The following LRRC9 variants were observed in gnomAD, a reference collection of about 807,000 sequenced individuals.
LRRC9 encodes leucine rich repeat containing 9, also known as leucine-rich repeat-containing protein 9.
LRRC9 carries 122 observed loss-of-function variants against 63.2 expected under a neutral mutation model. That is an observed-to-expected ratio of 1.93 (90% confidence interval 1.67 to 2.24). The LOEUF (loss-of-function observed/expected upper bound fraction) is 2.24, where lower values mean the gene tolerates loss of function less well. LRRC9 is among the 30% of genes most tolerant of loss of function. The pLI, the probability that LRRC9 is intolerant of heterozygous loss-of-function variation, is 0.00. For synonymous variants in LRRC9, 366 were observed against 213.1 expected, an observed-to-expected ratio of 1.72 and a Z score of -6.25; for missense variants, 1,071 against 627.7, an observed-to-expected ratio of 1.71 and a Z score of -7.55.
intron 8 of LRRC9, among the ~76,000 whole-genome samples, chr14:59,953,097 T>G (rs903074340): frequency 3.4e-4 from 52 of 152,270 alleles, no homozygotes; most frequent in African/African-American, 1.2e-3. Flanking sequence ...TTTGCTATTG[T>G]AAATAGTGCT....
Position 60,031,385 on chromosome 14 carries a change from TAA to T in LRRC9, c.3922-608_3922-607del, listed in dbSNP as rs1891978061. ...ACAACCTTAGGCTGAGCTTGTTGGC[TAA>T]AGTTTGTCAGAAATAGCATTTTAGA... On this transcript the variant is annotated intron_variant, in intron 28 of 31. Coordinates refer to ENST00000445360, the Ensembl canonical transcript of LRRC9. The surrounding 1 kb of genome is among the most constrained non-coding windows in gnomAD (Gnocchi z 4.6). Among the ~76,000 whole-genome samples, 1 of 152,094 alleles carries T rather than the reference TAA, an allele frequency of 6.6e-6. No individual in the cohort carries two copies. Among genetic ancestry groups the T allele is most frequent in the Non-Finnish European group, 1.5e-5 (1 of 67,938 alleles).
chr14:60,063,009 A>C (rs1858633960), intron 31 of LRRC9, among the ~76,000 whole-genome samples: 1 of 151,874 alleles, frequency 6.6e-6, no homozygotes, highest in South Asian at 2.1e-4. Flanking sequence ...CTCCTGCCTC[A>C]GCCTCTCGAG....
rs1468769278 is a variant in LRRC9, at chr14:59,987,472, C to A, written c.2211+2248C>A. Among the ~76,000 whole-genome samples the A allele has an allele frequency of 4.5e-5, 3 of 66,956 alleles. No homozygotes were observed. In the East Asian group the frequency reaches 1.1e-3, roughly 25 times the overall value. 43.9% of individuals were successfully genotyped at this position (66,956 alleles called of 152,430 possible). A position where few individuals can be genotyped will look rare whatever the true frequency, so the allele number is the denominator to read the frequency against. On this transcript the variant is annotated intron_variant, in intron 17 of 31. Coordinates refer to ENST00000445360, the Ensembl canonical transcript of LRRC9. Reference sequence around the variant, plus strand: ...CTTCTTTGTACTCTGTCTTTTAAATCTCTTTTAATTGATAGATTTCCCTTC... The same window carrying A: ...CTTCTTTGTACTCTGTCTTTTAAATATCTTTTAATTGATAGATTTCCCTTC...
At chr14:59,951,650 T>G (rs1409486058) in intron 8 of LRRC9, among the ~76,000 whole-genome samples, 1 of 147,522 alleles carries the variant, frequency 6.8e-6, no homozygotes, top group Non-Finnish European at 1.5e-5. Flanking sequence ...TGGTCTTTGA[T>G]GATGGTGATG....
At chr14:60,005,556 G>A (rs187897748) in intron 21 of LRRC9, among the ~76,000 whole-genome samples, 5 of 152,072 alleles carry the variant, frequency 3.3e-5, no homozygotes, top group Admixed American at 2.0e-4. Context: ...TTGCTTTGAT[G>A]GCTTTGATCC....
Position 59,966,967 on chromosome 14 carries a change from A to C in LRRC9, c.1389-129A>C. On this transcript the variant is annotated intron_variant, in intron 11 of 31. Coordinates refer to ENST00000445360, the Ensembl canonical transcript of LRRC9. This position sits in a 1 kb window ranked among gnomAD's most constrained non-coding sequence, Gnocchi z 4.0. ...TTTTGAGGTTGAAGGCAGGGGAGCT[A>C]TTAATAATGACACTAGAACATTGCA... 1 of 541,808 alleles carries C rather than the reference A, an allele frequency of 1.8e-6. No homozygotes were observed. Among genetic ancestry groups the C allele is most frequent in the African/African-American group, 1.9e-5 (1 of 53,482 alleles). The allele number at this position is 541,808 out of a possible 1,614,324, so 33.6% of individuals were successfully genotyped here. A position where few individuals can be genotyped will look rare whatever the true frequency, so the allele number is the denominator to read the frequency against.
intron 6 of LRRC9, among the ~76,000 whole-genome samples, chr14:59,933,478 G>T (rs114068013): frequency 1.3e-5 from 2 of 152,154 alleles, no homozygotes; most frequent in Non-Finnish European, 2.9e-5. Flanking sequence ...TTATAATTTT[G>T]CCAGTGTAAG....
chr14:59,969,963 C>A (rs1206398041), intron 12 of LRRC9, among the ~76,000 whole-genome samples: 1 of 151,986 alleles, frequency 6.6e-6, no homozygotes, highest in Non-Finnish European at 1.5e-5. Context: ...TGTCTAAAAC[C>A]AGCCTTTTAA....
At chr14:60,002,219 GATTA>G (rs1889435940) in intron 20 of LRRC9, 119 bp downstream of exon 20, 1 of 489,050 alleles carries the variant, frequency 2.0e-6, no homozygotes, top group Non-Finnish European at 3.6e-6. Flanking sequence ...AGCTGGAAGA[GATTA>G]ATTAAAATAG....
chr14:59,944,223 CCT>C (rs1228970416), intron 7 of LRRC9, among the ~76,000 whole-genome samples: 2 of 151,580 alleles, frequency 1.3e-5, no homozygotes, highest in Admixed American at 1.3e-4. Context: ...TATTTTATTC[CCT>C]GAGTTAATCA....
intron 26 of LRRC9, among the ~76,000 whole-genome samples, chr14:60,021,844 T>A (rs1891140277): frequency 6.6e-6 from 1 of 151,918 alleles, no homozygotes. Flanking sequence ...TTGATCTGTA[T>A]GTCTGTCCTT....
chr14:60,028,660 G>C (rs780229096), intron 28 of LRRC9, among the ~76,000 whole-genome samples: 32 of 152,090 alleles, frequency 2.1e-4, no homozygotes, highest in African/African-American at 4.3e-4. Context: ...ATACAGATAA[G>C]AGTTGAAGAC....
intron 12 of LRRC9, among the ~76,000 whole-genome samples, chr14:59,974,000 T>C (rs1885826771): frequency 6.6e-6 from 1 of 152,090 alleles, no homozygotes; most frequent in Admixed American, 6.5e-5. Context: ...GTTTTCTTAC[T>C]ACTAAAATCT....
In LRRC9 at chr14:60,042,757, C is replaced by T. The variant is rs141824666; in HGVS notation, c.3991-10308C>T. Among the ~76,000 whole-genome samples, 741 of 152,194 alleles carry T rather than the reference C, an allele frequency of 4.9e-3. 12 individuals carry two copies. The highest frequency in any genetic ancestry group is 0.016 in the African/African-American group (650 of 41,528). On this transcript the variant is annotated intron_variant, in intron 29 of 31. Coordinates refer to ENST00000445360, the Ensembl canonical transcript of LRRC9. The surrounding 1 kb of genome is among the most constrained non-coding windows in gnomAD (Gnocchi z 4.2). ...TGCTCCGTGGGCTGCACCTATTGTC[C>T]GACAAGCCCCAGTGAGATGAACACA...
At chr14:59,961,412 A>G (rs2139973344) in intron 10 of LRRC9, among the ~76,000 whole-genome samples, 1 of 152,288 alleles carries the variant, frequency 6.6e-6, no homozygotes, top group South Asian at 2.1e-4. Flanking sequence ...GATATAGTGC[A>G]TGATTCTGAA....
intron 29 of LRRC9, among the ~76,000 whole-genome samples, chr14:60,038,279 G>A (rs1414797907): frequency 1.3e-5 from 2 of 152,192 alleles, no homozygotes; most frequent in African/African-American, 4.8e-5. Flanking sequence ...GAACTTTAAA[G>A]TAGTTTTTTC....
chr14:59,974,660 C>T, exon 13 of LRRC9: 1 of 689,050 alleles, frequency 1.5e-6, no homozygotes, highest in Admixed American at 2.1e-5. Flanking sequence ...ACAGCAAAAG[C>T]ACAAAGATGA....
At chr14:59,935,111 C>T (rs1308909113) in intron 6 of LRRC9, among the ~76,000 whole-genome samples, 2 of 142,770 alleles carry the variant, frequency 1.4e-5, no homozygotes, top group East Asian at 2.0e-4. Context: ...CATGGTGAAA[C>T]CTTGTTTCTA....
intron 26 of LRRC9, 42 bp downstream of exon 26, chr14:60,019,302 G>A (rs1484136248): frequency 4.6e-6 from 3 of 649,280 alleles, no homozygotes; most frequent in Admixed American, 4.9e-5. Context: ...ATTTTGGCTG[G>A]GAATTTTAAA....
Sources: allele counts gnomAD v4.1 joint callset (sites outside exome capture counted in the v4.1 genomes callset), GRCh38; gene constraint gnomAD v4.1.1; non-coding constraint Gnocchi (gnomAD v3.1); transcripts MANE v1.5; gene names NCBI Gene and HGNC (gene_info 2026-07-23, HGNC 2026-07-21).